The following CNTN5 variants were observed in gnomAD, a reference collection of about 807,000 sequenced individuals.
The protein encoded by CNTN5 is contactin-5.
A neutral mutation model predicts 129.1 loss-of-function variants in CNTN5; 77 were observed. The ratio of observed to expected loss-of-function variants is 0.60; its 90% confidence interval spans 0.50 to 0.72. The LOEUF is 0.72. CNTN5 is among the 30% of genes least tolerant of loss of function. CNTN5 has a pLI of 0.00. For synonymous variants in CNTN5, 509 were observed against 465.6 expected, an observed-to-expected ratio of 1.09 and a Z score of -1.20; for missense variants, 1,478 against 1,328.8, an observed-to-expected ratio of 1.11 and a Z score of -1.75.
intron 13 of CNTN5, among the ~76,000 whole-genome samples, chr11:100,131,821 G>A (rs1027453214): frequency 2.0e-5 from 3 of 152,024 alleles, no homozygotes; most frequent in African/African-American, 7.2e-5. Context: ...TGAAGTTGGG[G>A]GAAGGGAGAC....
chr11:99,135,822 T>C (rs1859193286), intron 1 of CNTN5, among the ~76,000 whole-genome samples: 1 of 152,176 alleles, frequency 6.6e-6, no homozygotes, highest in Admixed American at 6.6e-5. Flanking sequence ...TCTGTGTCCG[T>C]GATTACCAAT....
intron 13 of CNTN5, among the ~76,000 whole-genome samples, chr11:100,129,673 CA>C (rs969445143): frequency 4.6e-5 from 7 of 151,786 alleles, no homozygotes; most frequent in South Asian, 2.1e-4. Flanking sequence ...AATATTTCCC[CA>C]AAAAAATAAA....
chr11:100,328,646 G>A (rs1344094572), intron 21 of CNTN5, among the ~76,000 whole-genome samples: 2 of 151,986 alleles, frequency 1.3e-5, no homozygotes, highest in Non-Finnish European at 2.9e-5. Flanking sequence ...ACAGCAAGGG[G>A]GAAATCTGTC....
chr11:100,075,629 G>C (rs1944096381), intron 13 of CNTN5, among the ~76,000 whole-genome samples: 1 of 152,164 alleles, frequency 6.6e-6, no homozygotes, highest in Non-Finnish European at 1.5e-5. Flanking sequence ...AGGCCTATGT[G>C]TTCAGATTCT....
At chr11:99,944,417 G>A (rs1434690747) in intron 7 of CNTN5, among the ~76,000 whole-genome samples, 1 of 151,940 alleles carries the variant, frequency 6.6e-6, no homozygotes, top group African/African-American at 2.4e-5. Context: ...TACCGAATGG[G>A]CAAAAGCTGG....
intron 1 of CNTN5, among the ~76,000 whole-genome samples, chr11:99,189,966 C>CA (rs1469106290): frequency 1.3e-5 from 2 of 151,164 alleles, no homozygotes; most frequent in Non-Finnish European, 3.0e-5. Flanking sequence ...TATTCCTATC[C>CA]AAAAAAATAT....
chr11:99,716,612 T>G (rs945792329), intron 3 of CNTN5, among the ~76,000 whole-genome samples: 31 of 152,046 alleles, frequency 2.0e-4, no homozygotes, highest in African/African-American at 7.5e-4. Context: ...ATTCTCTATC[T>G]CAAACTACAT....
At chr11:99,585,344 CT>C (rs1374964728) in intron 3 of CNTN5, among the ~76,000 whole-genome samples, 4 of 152,022 alleles carry the variant, frequency 2.6e-5, no homozygotes, top group African/African-American at 9.7e-5. Flanking sequence ...TCTTTAGCTG[CT>C]TCAAAAAGAA....
intron 3 of CNTN5, among the ~76,000 whole-genome samples, chr11:99,765,810 TG>T (rs1391592163): frequency 6.6e-6 from 1 of 151,894 alleles, no homozygotes; most frequent in Non-Finnish European, 1.5e-5. Flanking sequence ...TGAAAATGAC[TG>T]ATCTCTACTT....
intron 2 of CNTN5, among the ~76,000 whole-genome samples, chr11:99,343,993 A>T (rs1866638881): frequency 6.6e-6 from 1 of 152,362 alleles, no homozygotes; most frequent in Non-Finnish European, 1.5e-5. Flanking sequence ...ATACAATGTG[A>T]CTATTTATAA....
intron 6 of CNTN5, among the ~76,000 whole-genome samples, chr11:99,887,697 G>A (rs971664954): frequency 6.6e-6 from 1 of 152,374 alleles, no homozygotes; most frequent in East Asian, 1.9e-4. Context: ...AATCACTGGT[G>A]TAAGTACACG....
intron 2 of CNTN5, among the ~76,000 whole-genome samples, chr11:99,534,217 A>G (rs1284887835): frequency 1.3e-5 from 2 of 152,118 alleles, no homozygotes; most frequent in Admixed American, 1.3e-4. Context: ...TGAGTATATT[A>G]AAAATACAGT....
At chr11:99,754,144 A>C (rs574558409) in intron 3 of CNTN5, among the ~76,000 whole-genome samples, 49 of 152,262 alleles carry the variant, frequency 3.2e-4, no homozygotes, top group African/African-American at 1.1e-3. Context: ...TGTCCATTTG[A>C]TTGCTTAGCG....
intron 1 of CNTN5, among the ~76,000 whole-genome samples, chr11:99,033,346 A>C (rs1591075925): frequency 6.6e-6 from 1 of 152,006 alleles, no homozygotes; most frequent in East Asian, 1.9e-4. Context: ...TGAATCTGTA[A>C]ATTACCTTGG....
chr11:100,002,311 C>A (rs1180528302), intron 9 of CNTN5, among the ~76,000 whole-genome samples, 175 bp downstream of exon 9: 2 of 152,090 alleles, frequency 1.3e-5, no homozygotes, highest in Non-Finnish European at 2.9e-5. Context: ...CAGTTATCTT[C>A]TAGTCATTTC....
intron 9 of CNTN5, among the ~76,000 whole-genome samples, chr11:100,054,405 A>T (rs1943113637): frequency 6.6e-6 from 1 of 151,828 alleles, no homozygotes; most frequent in African/African-American, 2.4e-5. Flanking sequence ...TTCTCCCAAC[A>T]ACCTAACCAG....
chr11:100,131,496 A>C (rs143030224), intron 13 of CNTN5, among the ~76,000 whole-genome samples: 5 of 152,064 alleles, frequency 3.3e-5, no homozygotes, highest in Non-Finnish European at 7.4e-5. Flanking sequence ...GAGTTATCCA[A>C]ATGGCTATGT....
rs570170766 is a variant in CNTN5, at chr11:99,491,047, C to T, written c.-70-65098C>T. Among the ~76,000 whole-genome samples, 26 of 152,080 alleles carry T rather than the reference C, an allele frequency of 1.7e-4. 1 individual carries two copies. The highest frequency in any genetic ancestry group is 6.0e-4 in the African/African-American group (25 of 41,378). ...ATACTATATTCCAGATAGCACAGCA[C>T]GGATACACTACTGCCCTCCACAGCT... On this transcript the variant is annotated intron_variant, in intron 2 of 24. Transcript: ENST00000524871.
At chr11:99,126,948 G>C (rs1336450788) in intron 1 of CNTN5, among the ~76,000 whole-genome samples, 3 of 152,100 alleles carry the variant, frequency 2.0e-5, no homozygotes, top group Non-Finnish European at 4.4e-5. Context: ...TTGAGTCTGA[G>C]ACTCCTGGTA....
Sources: allele counts gnomAD v4.1 joint callset (sites outside exome capture counted in the v4.1 genomes callset), GRCh38; gene constraint gnomAD v4.1.1; transcripts MANE v1.5; gene names NCBI Gene and HGNC (gene_info 2026-07-23, HGNC 2026-07-21).